KALRN: variants seen among roughly 807,000 people sequenced by gnomAD.
KALRN encodes kalirin RhoGEF kinase, also known as kalirin.
KALRN carries 70 observed loss-of-function variants against 353.7 expected under a neutral mutation model. That is an observed-to-expected ratio of 0.20 (90% CI 0.16 to 0.24). The LOEUF (loss-of-function observed/expected upper bound fraction) is 0.24. Ranked by LOEUF, KALRN falls within the 10% of genes least tolerant of loss-of-function variation. The pLI is 1.00. For missense variants in KALRN, 2,791 were observed against 3,756.7 expected, an observed-to-expected ratio of 0.74 and a Z score of 6.72; for synonymous variants, 1,391 against 1,434.8, an observed-to-expected ratio of 0.97 and a Z score of 0.69.
intron 23 of KALRN, among the ~76,000 whole-genome samples, chr3:124,457,294 T>C (rs2059412216): frequency 6.6e-6 from 1 of 152,130 alleles, no homozygotes; most frequent in Admixed American, 6.5e-5. Flanking sequence ...GGTCTCGGAC[T>C]CCTGACCTCA....
At chr3:124,351,367 G>C (rs2082815222) in intron 10 of KALRN, among the ~76,000 whole-genome samples, 1 of 152,166 alleles carries the variant, frequency 6.6e-6, no homozygotes, top group Non-Finnish European at 1.5e-5. Flanking sequence ...TACTCTAAAG[G>C]ATCATGATTC....
intron 19 of KALRN, 33 bp from the exon 20 acceptor site, chr3:124,446,128 C>A: frequency 6.7e-7 from 1 of 1,499,888 alleles, no homozygotes; most frequent in Non-Finnish European, 9.3e-7. Context: ...CTCAGAGCCC[C>A]TTGTGACCAT....
At chr3:124,648,072 G>C (rs1422447884) in intron 37 of KALRN, among the ~76,000 whole-genome samples, 1 of 152,214 alleles carries the variant, frequency 6.6e-6, no homozygotes, top group African/African-American at 2.4e-5. Context: ...GGCCACCACT[G>C]CCTGTTTTCT....
At chr3:124,271,939 C>T (rs912057324) in intron 5 of KALRN, among the ~76,000 whole-genome samples, 1 of 152,096 alleles carries the variant, frequency 6.6e-6, no homozygotes, top group African/African-American at 2.4e-5. Flanking sequence ...GAACAGAAAA[C>T]CAAATACCAC....
intron 10 of KALRN, among the ~76,000 whole-genome samples, chr3:124,374,629 G>C (rs1279003409): frequency 6.6e-6 from 1 of 152,146 alleles, no homozygotes; most frequent in Non-Finnish European, 1.5e-5. Context: ...GTTAGGAATG[G>C]AACAGGAGAG....
chr3:124,519,070 T>G, intron 33 of KALRN: 1 of 986,166 alleles, frequency 1.0e-6, no homozygotes. Context: ...TTCTATTTGC[T>G]TCAGCCTACT....
intron 35 of KALRN, 84 bp from the exon 36 acceptor site, chr3:124,633,768 A>T: frequency 9.0e-7 from 1 of 1,112,394 alleles, no homozygotes; most frequent in Non-Finnish European, 1.3e-6. Flanking sequence ...CTCTCCTCCT[A>T]TGTATTATTT....
At chr3:124,463,383 G>T (rs1179692305) in intron 25 of KALRN, among the ~76,000 whole-genome samples, 1 of 152,222 alleles carries the variant, frequency 6.6e-6, no homozygotes, top group Non-Finnish European at 1.5e-5. Context: ...GCTAGCAGAG[G>T]CATTTACTGA....
At chr3:124,434,136 T>C (rs555673) in intron 16 of KALRN, among the ~76,000 whole-genome samples, 171 bp from the exon 17 acceptor site, 30,306 of 152,234 alleles carry the variant, frequency 0.2, 3,553 homozygotes, top group Middle Eastern at 0.26. Flanking sequence ...TGATATTCTT[T>C]TTTTAAATAT....
At chr3:124,120,740 ATATAT>A in intron 1 of KALRN, among the ~76,000 whole-genome samples, 1 of 141,780 alleles carries the variant, frequency 7.1e-6, no homozygotes, top group African/African-American at 2.7e-5. Flanking sequence ...ATATATATAT[ATATAT>A]TTTCACATAA....
chr3:124,668,043 GACACACACACACACACACAC>G (rs55672121), intron 47 of KALRN, among the ~76,000 whole-genome samples: 305 of 138,406 alleles, frequency 2.2e-3, no homozygotes, highest in African/African-American at 7.3e-3. Context: ...TGTATATCGA[GACACACACACACACACACAC>G]ACACACACAC....
chr3:124,502,302 G>A (rs2064675857), intron 33 of KALRN, among the ~76,000 whole-genome samples: 1 of 152,156 alleles, frequency 6.6e-6, no homozygotes, highest in African/African-American at 2.4e-5. Context: ...TGGGGAAGGA[G>A]TGAAGGCTGG....
At chr3:124,302,622 G>A (rs965338394) in intron 6 of KALRN, among the ~76,000 whole-genome samples, 2 of 152,180 alleles carry the variant, frequency 1.3e-5, no homozygotes, top group African/African-American at 4.8e-5. Context: ...TCCAGCAAAG[G>A]TGACCATTAC....
intron 35 of KALRN, 95 bp from the exon 36 acceptor site, chr3:124,633,757 A>C: frequency 4.1e-6 from 4 of 983,610 alleles, no homozygotes; most frequent in Non-Finnish European, 6.2e-6. Flanking sequence ...TGAGAGAGGA[A>C]CTCTCCTCCT....
At chr3:124,513,640 A>G (rs2066200001) in intron 33 of KALRN, among the ~76,000 whole-genome samples, 1 of 152,180 alleles carries the variant, frequency 6.6e-6, no homozygotes, top group South Asian at 2.1e-4. Flanking sequence ...ATGACATGAA[A>G]CAAGTATTTT....
intron 38 of KALRN, 58 bp from the exon 39 acceptor site, chr3:124,655,543 G>A (rs2083914205): frequency 7.1e-7 from 1 of 1,402,700 alleles, no homozygotes. Context: ...GAACTTAAGT[G>A]AAGATTTTTG....
chr3:124,559,785 ATTCTTTGGAATTCGC>A (rs1423036117), intron 33 of KALRN, among the ~76,000 whole-genome samples: 1 of 152,168 alleles, frequency 6.6e-6, no homozygotes, highest in Non-Finnish European at 1.5e-5. Context: ...CTTGTTGGCC[ATTCTTTGGAATTCGC>A]TTCTTGCCAG....
chr3:124,685,379 C>A lies in KALRN; in HGVS notation c.7377+5862C>A, dbSNP rs144088594. Among the ~76,000 whole-genome samples the A allele has an allele frequency of 2.6e-3, 398 of 152,128 alleles. 1 individual carries two copies. Among genetic ancestry groups the A allele is most frequent in the African/African-American group, 9.1e-3 (379 of 41,496 alleles). ...TTCACATCTATTATGCTTTTTGTTC[C>A]TTGCAATTGCCCTGTGAAGTAAGTA... On this transcript the variant is annotated intron_variant, in intron 51 of 59. Transcript: ENST00000682506.
At chr3:124,664,374 C>CGCGT (rs2150281766) in intron 45 of KALRN, among the ~76,000 whole-genome samples, 1 of 137,622 alleles carries the variant, frequency 7.3e-6, no homozygotes, top group East Asian at 2.1e-4. Flanking sequence ...TGTGTGTGCG[C>CGCGT]GCGCGCGCAT....
Sources: allele counts gnomAD v4.1 joint callset (sites outside exome capture counted in the v4.1 genomes callset), GRCh38; gene constraint gnomAD v4.1.1; transcripts MANE v1.5; gene names NCBI Gene and HGNC (gene_info 2026-07-23, HGNC 2026-07-21).